The following GAS2L1 variants were observed in gnomAD, a reference collection of about 807,000 sequenced individuals.
GAS2L1 encodes growth arrest specific 2 like 1.
GAS2L1 carries 26 observed loss-of-function variants against 44.0 expected under a neutral mutation model. The ratio of observed to expected loss-of-function variants is 0.59; its 90% CI spans 0.43 to 0.82. GAS2L1 has a LOEUF of 0.82. GAS2L1 is among the 40% of genes least tolerant of loss of function. The pLI, the probability that GAS2L1 is intolerant of heterozygous loss-of-function variation, is 0.00. For missense variants in GAS2L1, 1,006 were observed against 983.0 expected (o/e 1.02, Z -0.31); for synonymous variants, 426 against 415.9 (o/e 1.02, Z -0.30).
intron 4 of GAS2L1, 39 bp downstream of exon 5, chr22:29,311,037 GT>G: frequency 6.4e-7 from 1 of 1,574,270 alleles, no homozygotes; most frequent in Non-Finnish European, 8.6e-7. Context: ...GGTCCAGAGG[GT>G]GGGGGGGCGT....
chr22:29,307,039 A>G (rs2061355748), upstream of GAS2L1: 1 of 151,022 alleles, frequency 6.6e-6, no homozygotes, highest in Non-Finnish European at 1.5e-5. Context: ...GGCGAGGAGG[A>G]GGCCGCGGCG....
At chr22:29,311,624 C>T (rs1458594667) in exon 5 of GAS2L1, 1 of 1,537,150 alleles carries the variant, frequency 6.5e-7, no homozygotes, top group Admixed American at 2.0e-5. Context: ...CCACAGGCAC[C>T]CCGGCCTCTC....
intron 4 of GAS2L1, 160 bp from the exon 6 acceptor site, chr22:29,311,302 G>A (rs936923311): frequency 8.5e-6 from 5 of 585,718 alleles, no homozygotes; most frequent in Non-Finnish European, 1.5e-5. Flanking sequence ...CTGGGCCGCT[G>A]GAGGAAGCTG....
upstream of GAS2L1, chr22:29,307,054 A>C (rs937548892): frequency 6.6e-6 from 1 of 151,236 alleles, no homozygotes; most frequent in Non-Finnish European, 1.5e-5. Context: ...GCGGCGCGGG[A>C]CGCATAGAGC....
chr22:29,310,901 G>C (rs138534671), exon 4 of GAS2L1: 1 of 1,613,524 alleles, frequency 6.2e-7, no homozygotes, highest in Non-Finnish European at 8.5e-7. Flanking sequence ...TCCCCGCCCT[G>C]CTAGCCCAGT....
chr22:29,308,016 C>G (rs1257195403), exon 1 of GAS2L1: 1 of 1,071,458 alleles, frequency 9.3e-7, no homozygotes, highest in Non-Finnish European at 1.3e-6. Context: ...GTGCAGGTGG[C>G]CAGCAGCTTA....
exon 5 of GAS2L1, chr22:29,311,576 C>T: frequency 1.3e-6 from 2 of 1,541,860 alleles, no homozygotes; most frequent in Non-Finnish European, 1.7e-6. Flanking sequence ...ATGACACAGG[C>T]ACTGGCCCCC....
At chr22:29,309,293 G>A (rs1045482252) in intron 1 of GAS2L1, among the ~76,000 whole-genome samples, 3 of 152,214 alleles carry the variant, frequency 2.0e-5, no homozygotes, top group African/African-American at 7.2e-5. Context: ...GCTGGGAGCA[G>A]GGATCCTGTT....
At chr22:29,308,199 G>A (rs1451649724) in exon 1 of GAS2L1, 2 of 1,608,584 alleles carry the variant, frequency 1.2e-6, no homozygotes, top group South Asian at 2.2e-5. Context: ...CATGAAGGAG[G>A]ACCTGGCCGA....
chr22:29,311,346 G>T (rs971833251), intron 4 of GAS2L1, 116 bp from the exon 6 acceptor site: 2 of 597,438 alleles, frequency 3.3e-6, no homozygotes, highest in East Asian at 5.8e-5. Context: ...AGGACAGACC[G>T]ATGCCCCTGA....
chr22:29,310,597 G>A (rs574843664), intron 2 of GAS2L1, 41 bp from the exon 4 acceptor site: 23 of 1,578,566 alleles, frequency 1.5e-5, no homozygotes, highest in African/African-American at 4.0e-5. Context: ...GGTGGGCTGC[G>A]GGGCGCCCGG....
chr22:29,308,155 G>A (rs1232409514), exon 1 of GAS2L1: 4 of 1,589,130 alleles, frequency 2.5e-6, no homozygotes, highest in African/African-American at 1.3e-5. Flanking sequence ...AAGAGCGTGC[G>A]GCCATTTCGC....
exon 1 of GAS2L1, chr22:29,308,158 C>A (rs768134819): frequency 3.8e-6 from 6 of 1,590,946 alleles, no homozygotes; most frequent in Admixed American, 1.7e-5. Context: ...AGCGTGCGGC[C>A]ATTTCGCTCC....
chr22:29,312,761 T>A, exon 5 of GAS2L1: 1 of 367,398 alleles, frequency 2.7e-6, no homozygotes, highest in Non-Finnish European at 4.9e-6. Context: ...CAGCAGAGCC[T>A]CTGACAGTAA....
At chr22:29,308,051 C>G in exon 1 of GAS2L1, 1 of 1,451,138 alleles carries the variant, frequency 6.9e-7, no homozygotes, top group Non-Finnish European at 9.2e-7. Context: ...CTTACTGGGT[C>G]CCCACAGCGA....
chr22:29,308,651 G>A, exon 1 of GAS2L1: 1 of 1,560,464 alleles, frequency 6.4e-7, no homozygotes, highest in Non-Finnish European at 8.7e-7. Flanking sequence ...CCGCTGGGGA[G>A]GACACCACTG....
chr22:29,310,715 G>C (rs199615680), exon 3 of GAS2L1: 1 of 1,609,608 alleles, frequency 6.2e-7, no homozygotes. Context: ...AGCACGACCC[G>C]TGCCGCTGCT....
chr22:29,310,310 A>C (rs1401011861), intron 1 of GAS2L1, 129 bp from the exon 3 acceptor site: 1 of 650,056 alleles, frequency 1.5e-6, no homozygotes, highest in Non-Finnish European at 2.8e-6. Flanking sequence ...GCTGTACCCC[A>C]TCCGGGGCAA....
chr22:29,308,435 C>T (rs766730164), exon 1 of GAS2L1: 1 of 1,604,218 alleles, frequency 6.2e-7, no homozygotes, highest in Non-Finnish European at 8.5e-7. Context: ...TCGGCTGGTG[C>T]CGCGTGGAGC....
Sources: gnomAD v4.1 joint callset for allele counts (sites outside exome capture counted in the v4.1 genomes callset) on GRCh38, gnomAD v4.1.1 for gene constraint, MANE v1.5 for transcripts, NCBI Gene and HGNC (gene_info 2026-07-23, HGNC 2026-07-21) for gene names.